Variants in MAP3K2 observed in about 807,000 individuals in gnomAD.
MAP3K2 encodes MAP/ERK kinase kinase 2.
Under a neutral mutation model 80.3 loss-of-function variants are expected in MAP3K2, and 24 were observed. That is an observed-to-expected ratio of 0.30 (90% CI 0.22 to 0.42). The LOEUF is 0.42. Among genes scored for constraint, MAP3K2 ranks in the 10% least tolerant of loss-of-function variants. The pLI is 1.00. For missense variants in MAP3K2, 608 were observed against 750.1 expected (o/e 0.81, Z 2.21); for synonymous variants, 244 against 253.7 (o/e 0.96, Z 0.36).
chr2:127,343,220 A>C (rs1573994247), intron 1 of MAP3K2, 26 bp from the exon 2 acceptor site: 2 of 922,126 alleles, frequency 2.2e-6, no homozygotes, highest in Non-Finnish European at 3.3e-6. Context: ...AGATCAGCAT[A>C]TTAATAAAAA....
intron 15 of MAP3K2, among the ~76,000 whole-genome samples, chr2:127,312,145 A>T (rs890694218): frequency 1.3e-5 from 2 of 152,214 alleles, no homozygotes; most frequent in African/African-American, 2.4e-5. Context: ...GCAGCTATTA[A>T]TGTTTAATGC....
chr2:127,383,740 T>G (rs981757329), intron 1 of MAP3K2, among the ~76,000 whole-genome samples: 3 of 152,224 alleles, frequency 2.0e-5, no homozygotes, highest in African/African-American at 7.2e-5. Flanking sequence ...GAGGACCATC[T>G]GAGGCAAAGA....
chr2:127,317,938 C>T (rs1282102183), intron 13 of MAP3K2, among the ~76,000 whole-genome samples, 178 bp from the exon 14 acceptor site: 1 of 151,944 alleles, frequency 6.6e-6, no homozygotes, highest in Non-Finnish European at 1.5e-5. Flanking sequence ...TAAAGCAACA[C>T]TGACTCAGAT....
intron 1 of MAP3K2, among the ~76,000 whole-genome samples, chr2:127,358,198 T>A (rs1391112367): frequency 6.6e-6 from 1 of 152,220 alleles, no homozygotes; most frequent in East Asian, 1.9e-4. Flanking sequence ...AAAGCCATGG[T>A]CAATAAGATA....
intron 1 of MAP3K2, among the ~76,000 whole-genome samples, chr2:127,360,992 AC>A (rs2104872690): frequency 6.6e-6 from 1 of 152,156 alleles, no homozygotes; most frequent in East Asian, 1.9e-4. Context: ...TGAACTTTGT[AC>A]CCTATCATTT....
intron 15 of MAP3K2, among the ~76,000 whole-genome samples, chr2:127,313,625 G>T (rs1447148294): frequency 6.6e-6 from 1 of 152,126 alleles, no homozygotes; most frequent in Non-Finnish European, 1.5e-5. Flanking sequence ...ATACAAACGT[G>T]TACACATACA....
intron 5 of MAP3K2, among the ~76,000 whole-genome samples, chr2:127,331,595 GA>G (rs1028517695): frequency 1.3e-5 from 2 of 152,136 alleles, no homozygotes; most frequent in Admixed American, 6.5e-5. Flanking sequence ...ACTTCTTTGT[GA>G]AAAAAGTCCT....
chr2:127,332,964 T>C (rs1686287539), intron 5 of MAP3K2, among the ~76,000 whole-genome samples: 1 of 151,752 alleles, frequency 6.6e-6, no homozygotes, highest in African/African-American at 2.4e-5. Context: ...ACCACATCTC[T>C]AGAAAAAATA....
rs773519220 is a variant in MAP3K2, at chr2:127,308,674, C to A, written c.1545G>T (p.Gly515=). ...TGCCCGTGACAGACTTCATTCCTGT[C>A]CCTGAGAGACAGATGGTCTGAAGCC... is the stretch of plus-strand genomic sequence containing the variant. The part of the protein sequence containing the change: ...SKRLQTICLS[G]TGMKSVTGTP... The change falls in exon 16 of 17, where the codon GGG becomes GGT. Residue 515 remains glycine (G), a synonymous_variant. Transcript: ENST00000682094. 3.7e-6 allele frequency: 6 copies of A among 1,613,854 alleles called. No individual in the cohort carries two copies. Among genetic ancestry groups the A allele is most frequent in the Non-Finnish European group, 5.1e-6 (6 of 1,179,882 alleles).
chr2:127,314,980 TCTCA>T, intron 14 of MAP3K2, 97 bp from the exon 15 acceptor site: 1 of 815,736 alleles, frequency 1.2e-6, no homozygotes, highest in East Asian at 2.7e-5. Context: ...GGAATTCTCA[TCTCA>T]CTCGTCTAAG....
rs568149565 is a variant in MAP3K2, at chr2:127,300,742, T to C, written c.*6837A>G. The C allele has an allele frequency of 6.6e-6, 1 of 152,330 alleles. No individual in the cohort carries two copies. The highest frequency in any genetic ancestry group is 2.1e-4 in the South Asian group (1 of 4,828). The allele number at this position is 152,330 out of a possible 1,614,324, so 9.4% of individuals were successfully genotyped here. ...TATCCTTAGACACTGTACTTTCAAT[T>C]GAATAGGGTGTATTGCAAGAATTTG... On this transcript the variant is annotated 3_prime_UTR_variant, in exon 17 of 17. Transcript: ENST00000682094.
At chr2:127,348,382 C>G (rs1270029382) in intron 1 of MAP3K2, among the ~76,000 whole-genome samples, 2 of 152,100 alleles carry the variant, frequency 1.3e-5, no homozygotes, top group African/African-American at 4.8e-5. Flanking sequence ...AGTGAGACTT[C>G]ATCTCCAATA....
Position 127,387,546 on chromosome 2 carries a change from G to A in MAP3K2, c.-160C>T. 1 of 984,956 alleles carries A rather than the reference G, an allele frequency of 1.0e-6. No individual in the cohort carries two copies. Among genetic ancestry groups the A allele is most frequent in the Non-Finnish European group, 1.2e-6 (1 of 829,742 alleles). The allele number at this position is 984,956 out of a possible 1,614,324, so 61.0% of individuals were successfully genotyped here. ...CGCCCCAGCGCGGCCTGTCACCGCGGCCCCAGGTCGGGGGCTGCCGCAGGG... is the reference window on the plus strand; with the variant it reads ...CGCCCCAGCGCGGCCTGTCACCGCGACCCCAGGTCGGGGGCTGCCGCAGGG... On this transcript the variant is annotated 5_prime_UTR_variant, in exon 1 of 17. Transcript: ENST00000682094.
At position 127,387,153 on chromosome 2, in the gene MAP3K2, C is replaced by T. The variant is rs959911621; in HGVS notation, c.-66+299G>A. ...TCGCTTACTGCATGTACCATTTCTGCTTCATCCCAAGACCAGATGCAACCT... is the reference window on the plus strand; with the variant it reads ...TCGCTTACTGCATGTACCATTTCTGTTTCATCCCAAGACCAGATGCAACCT... On this transcript the variant is annotated intron_variant, in intron 1 of 16. Transcript: ENST00000682094. Among the ~76,000 whole-genome samples the T allele has an allele frequency of 6.6e-5, 10 of 152,182 alleles. 1 individual carries two copies. Among genetic ancestry groups the T allele is most frequent in the African/African-American group, 2.4e-5 (1 of 41,428 alleles).
At chr2:127,351,804 T>C (rs1322865961) in intron 1 of MAP3K2, among the ~76,000 whole-genome samples, 1 of 152,142 alleles carries the variant, frequency 6.6e-6, no homozygotes, top group African/African-American at 2.4e-5. Flanking sequence ...TTTCTCTACT[T>C]TGAATAAATT....
At position 127,307,501 on chromosome 2, in the gene MAP3K2, AAAAAG is replaced by A; in HGVS notation, c.*73_*77del. 4.8e-6 allele frequency: 4 copies of A among 834,028 alleles called. No homozygotes were observed. The highest frequency in any genetic ancestry group is 2.7e-5 in the South Asian group (1 of 36,820). The allele number at this position is 834,028 out of a possible 1,614,324, so 51.7% of individuals were successfully genotyped here. A position where few individuals can be genotyped will look rare whatever the true frequency, so the allele number is the denominator to read the frequency against. On this transcript the variant is annotated 3_prime_UTR_variant, in exon 17 of 17. Transcript: ENST00000682094. The surrounding 1 kb of genome is among the most constrained non-coding windows in gnomAD (Gnocchi z 5.4). Reference sequence around the variant, plus strand: ...TCTCCCCCATCTCTCTTTTTTTATAAAAAAGAAAAGTGCAGTCAGAGAGAAGGTGA... The same window carrying A: ...TCTCCCCCATCTCTCTTTTTTTATAAAAAAGTGCAGTCAGAGAGAAGGTGA...
chr2:127,381,364 T>C (rs1687243417), intron 1 of MAP3K2, among the ~76,000 whole-genome samples: 1 of 152,206 alleles, frequency 6.6e-6, no homozygotes, highest in Non-Finnish European at 1.5e-5. Flanking sequence ...TTCTTAAGAG[T>C]ACAGAAGACC....
intron 1 of MAP3K2, among the ~76,000 whole-genome samples, chr2:127,368,797 G>A (rs1305843077): frequency 6.7e-6 from 1 of 150,292 alleles, no homozygotes; most frequent in East Asian, 1.9e-4. Context: ...TTCTTTTTGA[G>A]ATGAGGTCTT....
At chr2:127,373,487 T>C (rs1447058145) in intron 1 of MAP3K2, among the ~76,000 whole-genome samples, 2 of 152,192 alleles carry the variant, frequency 1.3e-5, no homozygotes, top group Non-Finnish European at 2.9e-5. Context: ...TAGGCATAAC[T>C]ACTGATAAGT....
Sources: allele counts gnomAD v4.1 joint callset (sites outside exome capture counted in the v4.1 genomes callset), GRCh38; gene constraint gnomAD v4.1.1; non-coding constraint Gnocchi (gnomAD v3.1); transcripts MANE v1.5; gene names NCBI Gene and HGNC (gene_info 2026-07-23, HGNC 2026-07-21).